The following KCNT2 variants were observed in gnomAD, a reference collection of about 807,000 sequenced individuals.
KCNT2 encodes the protein potassium sodium-activated channel subfamily T member 2, also known as potassium channel subfamily T member 2.
A neutral mutation model predicts 153.8 loss-of-function variants in KCNT2; 67 were observed. The observed-to-expected ratio is 0.44, with a 90% CI of 0.36 to 0.53. KCNT2 has a LOEUF of 0.53. Among genes scored for constraint, KCNT2 ranks in the 20% least tolerant of loss-of-function variants. The pLI is 0.00. For missense variants in KCNT2, 975 were observed against 1,354.8 expected, an observed-to-expected ratio of 0.72 and a Z score of 4.40; for synonymous variants, 500 against 458.8, an observed-to-expected ratio of 1.09 and a Z score of -1.15.
chr1:196,395,261 A>G (rs1326341047), intron 13 of KCNT2, among the ~76,000 whole-genome samples: 1 of 151,562 alleles, frequency 6.6e-6, no homozygotes, highest in African/African-American at 2.4e-5. Flanking sequence ...TATCAAGGCT[A>G]TGTTATTCCC....
Position 196,550,871 on chromosome 1 carries a change from T to C in KCNT2, c.95+57344A>G, listed in dbSNP as rs74134367. ...GCTAAGCAAATTCAGATGGATCCCA[T>C]GGAAAATTTAAAGGCAATGTTGGGA... On this transcript the variant is annotated intron_variant, in intron 1 of 27. Transcript: ENST00000294725. 5.4e-3 allele frequency among the ~76,000 whole-genome samples: 826 copies of C among 151,952 alleles called. 5 individuals carry two copies. The highest frequency in any genetic ancestry group is 0.019 in the African/African-American group (793 of 41,524).
At chr1:196,388,715 T>C (rs578045564) in intron 13 of KCNT2, among the ~76,000 whole-genome samples, 1 of 151,854 alleles carries the variant, frequency 6.6e-6, no homozygotes, top group South Asian at 2.1e-4. Flanking sequence ...AAAAATAAAA[T>C]TGATTTCTGT....
chr1:196,354,327 AATGTAGCTAAACAG>A, intron 14 of KCNT2, among the ~76,000 whole-genome samples: 1 of 151,926 alleles, frequency 6.6e-6, no homozygotes, highest in South Asian at 2.1e-4. Flanking sequence ...GATCCTAAAT[AATGTAGCTAAACAG>A]ATGATAAATA....
chr1:196,585,918 T>C (rs1306876149), intron 1 of KCNT2, among the ~76,000 whole-genome samples: 1 of 152,110 alleles, frequency 6.6e-6, no homozygotes, highest in Non-Finnish European at 1.5e-5. Context: ...ACTTTTTTTA[T>C]TAAATGCACA....
chr1:196,423,997 T>A (rs934211923), intron 11 of KCNT2, among the ~76,000 whole-genome samples: 11 of 151,886 alleles, frequency 7.2e-5, no homozygotes, highest in Admixed American at 3.9e-4. Flanking sequence ...ATCCCAAATA[T>A]TTTATAGGAA....
intron 18 of KCNT2, among the ~76,000 whole-genome samples, chr1:196,328,820 T>C (rs902255700): frequency 7.2e-5 from 11 of 151,910 alleles, no homozygotes; most frequent in Non-Finnish European, 1.5e-4. Context: ...CAGAAGGAAA[T>C]TCTAAGGTAT....
chr1:196,557,895 A>C (rs947274258), intron 1 of KCNT2, among the ~76,000 whole-genome samples: 12 of 151,506 alleles, frequency 7.9e-5, no homozygotes, highest in Middle Eastern at 3.4e-3. Context: ...AAATGAAATC[A>C]AACTTCCTTA....
At chr1:196,283,837 G>C (rs572883040) in intron 23 of KCNT2, among the ~76,000 whole-genome samples, 2 of 152,100 alleles carry the variant, frequency 1.3e-5, no homozygotes, top group Non-Finnish European at 2.9e-5. Context: ...GAAAGGGTAA[G>C]TGTTGTTAAT....
intron 13 of KCNT2, among the ~76,000 whole-genome samples, chr1:196,377,051 G>A (rs1458512592): frequency 6.6e-6 from 1 of 151,894 alleles, no homozygotes; most frequent in Non-Finnish European, 1.5e-5. Context: ...TACAAAGATA[G>A]GAAGTGGTGG....
chr1:196,439,952 A>G (rs1675078950), intron 8 of KCNT2, among the ~76,000 whole-genome samples: 1 of 151,796 alleles, frequency 6.6e-6, no homozygotes, highest in South Asian at 2.1e-4. Context: ...GGGGCTTAAA[A>G]CCTAGATGAT....
intron 5 of KCNT2, among the ~76,000 whole-genome samples, chr1:196,472,206 G>T (rs905226670): frequency 6.6e-5 from 10 of 152,056 alleles, no homozygotes; most frequent in African/African-American, 2.4e-4. Context: ...GATACTCCCA[G>T]CTATTTCATA....
intron 1 of KCNT2, among the ~76,000 whole-genome samples, chr1:196,501,725 T>C (rs1031776924): frequency 1.3e-5 from 2 of 152,260 alleles, no homozygotes; most frequent in Non-Finnish European, 2.9e-5. Flanking sequence ...AAACTACACT[T>C]GTTCCTCTTA....
chr1:196,540,939 G>C (rs10801546), intron 1 of KCNT2, among the ~76,000 whole-genome samples: 149,117 of 151,692 alleles, frequency 0.98, 73,340 homozygotes, highest in Middle Eastern at 1. Flanking sequence ...GGTGGCGGGC[G>C]CCTGTAGTCC....
At chr1:196,585,415 C>T (rs1662557673) in intron 1 of KCNT2, among the ~76,000 whole-genome samples, 1 of 152,006 alleles carries the variant, frequency 6.6e-6, no homozygotes, top group African/African-American at 2.4e-5. Flanking sequence ...AGGTTTTCTA[C>T]ACATATATTT....
intron 18 of KCNT2, among the ~76,000 whole-genome samples, chr1:196,329,231 T>A (rs60185937): frequency 0.02 from 3,079 of 152,136 alleles, 88 homozygotes; most frequent in African/African-American, 0.07. Flanking sequence ...AATCCCATAC[T>A]GTTCCTAAAA....
chr1:196,500,278 AAGGGAGGGAGGGAGGGAGGGAGGGAGGG>A (rs1183746765), intron 1 of KCNT2, among the ~76,000 whole-genome samples: 2 of 42,654 alleles, frequency 4.7e-5, no homozygotes, highest in African/African-American at 1.7e-4. Context: ...GGAAGGAAGG[AAGGGAGGGAGGGAGGGAGGGAGGGAGGG>A]AGGGAGGGAG....
At chr1:196,393,173 C>A (rs879367966) in intron 13 of KCNT2, among the ~76,000 whole-genome samples, 1 of 151,376 alleles carries the variant, frequency 6.6e-6, no homozygotes, top group Non-Finnish European at 1.5e-5. Flanking sequence ...TTCATTCACT[C>A]CTTTGTTTTT....
intron 22 of KCNT2, among the ~76,000 whole-genome samples, chr1:196,286,809 A>G (rs1659715620): frequency 6.6e-6 from 1 of 152,044 alleles, no homozygotes; most frequent in African/African-American, 2.4e-5. Flanking sequence ...AGTTTAGAAG[A>G]GTTTCTTGAG....
chr1:196,346,570 A>G (rs1666161559), intron 14 of KCNT2, among the ~76,000 whole-genome samples: 1 of 152,134 alleles, frequency 6.6e-6, no homozygotes. Context: ...TTTTAAGTAT[A>G]TAAGATAATC....
Sources: allele counts gnomAD v4.1 joint callset (sites outside exome capture counted in the v4.1 genomes callset), GRCh38; gene constraint gnomAD v4.1.1; transcripts MANE v1.5; gene names NCBI Gene and HGNC (gene_info 2026-07-23, HGNC 2026-07-21).